The following B3GALT1 variants were observed in gnomAD, a reference collection of about 807,000 sequenced individuals.
B3GALT1 encodes beta-1,3-galactosyltransferase 1.
In B3GALT1, 10 loss-of-function variants were observed where a neutral mutation model predicts 23.2. The observed-to-expected ratio is 0.43, with a 90% CI of 0.27 to 0.73. The LOEUF (loss-of-function observed/expected upper bound fraction) is 0.73. Ranked by LOEUF, B3GALT1 falls within the 30% of genes least tolerant of loss-of-function variation. The probability of loss-of-function intolerance (pLI) is 0.21; values close to 1 mark genes in which losing one functional copy is unlikely to be tolerated. For synonymous variants in B3GALT1, 156 were observed against 141.5 expected (o/e 1.10, Z -0.73); for missense variants, 299 against 405.4 (o/e 0.74, Z 2.25).
intron 2 of B3GALT1, among the ~76,000 whole-genome samples, chr2:167,570,733 C>T (rs1049340575): frequency 1.3e-5 from 2 of 151,604 alleles, no homozygotes; most frequent in Non-Finnish European, 3.0e-5. Flanking sequence ...AATCAGTGTT[C>T]TTTTGTTGCT....
At chr2:167,461,846 A>G (rs148198589) in intron 1 of B3GALT1, among the ~76,000 whole-genome samples, 96 of 152,362 alleles carry the variant, frequency 6.3e-4, no homozygotes, top group African/African-American at 2.1e-3. Context: ...AATAGAAAAT[A>G]GAGTGTAGCA....
rs546393082 is a variant in B3GALT1 at position 167,867,082 on chromosome 2, A to G, written c.-229-1729A>G. On this transcript the variant is annotated intron_variant, in intron 4 of 4. Coordinates refer to ENST00000392690, the MANE Select transcript of B3GALT1 (RefSeq NM_020981.4). Reference sequence around the variant, plus strand: ...GCTGGGACTACAGGCACCCGCCACTACGCCTGGCTAATTTTTTGTATTTTT... The same window carrying G: ...GCTGGGACTACAGGCACCCGCCACTGCGCCTGGCTAATTTTTTGTATTTTT... Among the ~76,000 whole-genome samples the G allele has an allele frequency of 8.8e-4, 134 of 152,136 alleles. No individual in the cohort carries two copies. The East Asian group carries it at 0.024, about 28-fold the overall frequency.
chr2:167,308,839 G>A lies in B3GALT1; in HGVS notation c.-511+15505G>A, dbSNP rs953637157. 3.9e-5 allele frequency among the ~76,000 whole-genome samples: 6 copies of A among 151,900 alleles called. No homozygotes were observed. In the South Asian group the frequency reaches 8.3e-4, roughly 21 times the overall value. On this transcript the variant is annotated intron_variant, in intron 1 of 4. Transcript: ENST00000392690. ...GATGGCTGATCCTTTTCATCTGTAC[G>A]AAATCCTGAAAATAACCAAAAATAT...
intron 2 of B3GALT1, among the ~76,000 whole-genome samples, chr2:167,498,284 C>T (rs1699804986): frequency 6.6e-6 from 1 of 152,050 alleles, no homozygotes; most frequent in Non-Finnish European, 1.5e-5. Flanking sequence ...CATTCAAAAA[C>T]CTGGAAGAAA....
chr2:167,341,430 G>T (rs1697144183), intron 1 of B3GALT1, among the ~76,000 whole-genome samples: 1 of 152,196 alleles, frequency 6.6e-6, no homozygotes, highest in Non-Finnish European at 1.5e-5. Context: ...GGGAGGCCAA[G>T]GTGGGCAGAA....
At chr2:167,863,016 G>C (rs1287472796) in intron 4 of B3GALT1, among the ~76,000 whole-genome samples, 1 of 152,170 alleles carries the variant, frequency 6.6e-6, no homozygotes, top group Non-Finnish European at 1.5e-5. Flanking sequence ...CAGTGTCTGT[G>C]GCTGTGGTGA....
intron 1 of B3GALT1, among the ~76,000 whole-genome samples, chr2:167,340,981 A>G (rs1324394955): frequency 6.6e-6 from 1 of 152,208 alleles, no homozygotes; most frequent in Non-Finnish European, 1.5e-5. Flanking sequence ...CTGCAACTCA[A>G]AACAACAAAA....
At chr2:167,784,124 C>A (rs1048228560) in intron 3 of B3GALT1, among the ~76,000 whole-genome samples, 1 of 152,140 alleles carries the variant, frequency 6.6e-6, no homozygotes, top group Non-Finnish European at 1.5e-5. Context: ...TGTCCCCTGC[C>A]CTTCGCTGTC....
At chr2:167,467,674 A>G (rs921217984) in intron 1 of B3GALT1, among the ~76,000 whole-genome samples, 1 of 152,202 alleles carries the variant, frequency 6.6e-6, no homozygotes, top group African/African-American at 2.4e-5. Flanking sequence ...TAGAATTTGT[A>G]TTTTGTTTGT....
At chr2:167,694,974 C>T (rs1026829007) in intron 3 of B3GALT1, among the ~76,000 whole-genome samples, 7 of 152,174 alleles carry the variant, frequency 4.6e-5, no homozygotes, top group Non-Finnish European at 1.0e-4. Flanking sequence ...CCCAACACCT[C>T]CTGCAGTCTG....
At chr2:167,717,250 T>G (rs965516367) in intron 3 of B3GALT1, among the ~76,000 whole-genome samples, 2 of 151,580 alleles carry the variant, frequency 1.3e-5, no homozygotes, top group African/African-American at 4.8e-5. Flanking sequence ...TCATAGATAT[T>G]ATGATGCCCT....
intron 1 of B3GALT1, among the ~76,000 whole-genome samples, chr2:167,424,869 A>G (rs1559092524): frequency 2.0e-5 from 3 of 152,226 alleles, no homozygotes; most frequent in Admixed American, 2.0e-4. Context: ...TCCCGTTTAG[A>G]TTCTGTGCCT....
At chr2:167,774,506 T>TG (rs917124096) in intron 3 of B3GALT1, among the ~76,000 whole-genome samples, 1 of 130,712 alleles carries the variant, frequency 7.7e-6, no homozygotes, top group African/African-American at 3.0e-5. Context: ...TGTTTTTTTT[T>TG]TTTTTTTTGG....
intron 1 of B3GALT1, among the ~76,000 whole-genome samples, chr2:167,309,317 T>G (rs1696600350): frequency 6.6e-6 from 1 of 152,046 alleles, no homozygotes; most frequent in African/African-American, 2.4e-5. Context: ...TAAGCTAAAT[T>G]AATGTACTGT....
chr2:167,696,009 C>T (rs922209810), intron 3 of B3GALT1, among the ~76,000 whole-genome samples: 2 of 152,106 alleles, frequency 1.3e-5, no homozygotes, highest in Non-Finnish European at 2.9e-5. Context: ...AATGCAAGCA[C>T]ATGGCCACAC....
intron 1 of B3GALT1, among the ~76,000 whole-genome samples, chr2:167,321,680 C>T (rs1438191691): frequency 1.3e-5 from 2 of 151,900 alleles, no homozygotes; most frequent in Non-Finnish European, 2.9e-5. Flanking sequence ...GGAATCTTAC[C>T]TCCTTCTCTA....
intron 3 of B3GALT1, among the ~76,000 whole-genome samples, chr2:167,763,913 C>T (rs895254662): frequency 1.3e-5 from 2 of 151,958 alleles, no homozygotes; most frequent in East Asian, 1.9e-4. Context: ...TCAGATAGGA[C>T]CAAAAGTATG....
rs67013700 is a variant in B3GALT1 at position 167,396,534 on chromosome 2, ATGTGTGTG to A, written c.-510-93619_-510-93612del. Among the ~76,000 whole-genome samples, 557 of 142,232 alleles carry A rather than the reference ATGTGTGTG, an allele frequency of 3.9e-3. 1 individual carries two copies. The highest frequency in any genetic ancestry group is 0.017 in the East Asian group (86 of 5,004). 93.3% of individuals were successfully genotyped at this position (142,232 alleles called of 152,430 possible). A position where few individuals can be genotyped will look rare whatever the true frequency, so the allele number is the denominator to read the frequency against. On this transcript the variant is annotated intron_variant, in intron 1 of 4. Transcript: ENST00000392690. ...AGTCTGCAAATATATATATATATAT[ATGTGTGTG>A]TGTGTGTGTGTGTGTGTGTGTGTTT...
rs1683420383 is a variant in B3GALT1 at position 167,536,132 on chromosome 2, C to T, written c.-410+45855C>T. 3.9e-5 allele frequency among the ~76,000 whole-genome samples: 6 copies of T among 152,248 alleles called. No homozygotes were observed. The South Asian group carries it at 1.2e-3, about 32-fold the overall frequency. On this transcript the variant is annotated intron_variant, in intron 2 of 4. Transcript: ENST00000392690. ...ATGTTGATCAGGCTGGTGTCAAACT[C>T]CTGACATCAAGTGATCCACCTGCGT...
Sources: gnomAD v4.1 joint callset for allele counts (sites outside exome capture counted in the v4.1 genomes callset) on GRCh38, gnomAD v4.1.1 for gene constraint, MANE v1.5 for transcripts, NCBI Gene and HGNC (gene_info 2026-07-23, HGNC 2026-07-21) for gene names.